Variants in CDHR2 observed in about 807,000 individuals in gnomAD.
The protein encoded by CDHR2 is cadherin-related family member 2.
CDHR2 carries 104 observed loss-of-function variants against 138.6 expected under a neutral mutation model. The ratio of observed to expected loss-of-function variants is 0.75; its 90% CI spans 0.64 to 0.88. The LOEUF is 0.88. CDHR2 is among the 40% of genes least tolerant of loss of function. CDHR2 has a pLI of 0.00. For missense variants in CDHR2, 1,624 were observed against 1,727.6 expected (o/e 0.94, Z 1.06); for synonymous variants, 755 against 742.8 (o/e 1.02, Z -0.27).
Position 176,590,473 on chromosome 5 carries a change from G to A in CDHR2, c.3402G>A (p.Gly1134=). The A allele has an allele frequency of 1.9e-6, 3 of 1,613,928 alleles. No individual in the cohort carries two copies. Among genetic ancestry groups the A allele is most frequent in the Non-Finnish European group, 2.5e-6 (3 of 1,179,866 alleles). The change falls in exon 27 of 32, where the codon GGG becomes GGA. Residue 1134 remains glycine (G), a synonymous_variant. Coordinates refer to ENST00000261944, the MANE Select transcript of CDHR2 (RefSeq NM_017675.6). ...QDSLTQLLQL[G]LVVLGSQESQ... is the part of the protein sequence containing the mutation. The stretch of plus-strand genomic sequence containing the variant: ...CGCTGACGCAGCTGCTGCAGCTGGG[G>A]CTGGTGGTGCTGGTGAGTGCGGGCA...
intron 16 of CDHR2, among the ~76,000 whole-genome samples, chr5:176,579,868 G>T (rs886989068): frequency 6.6e-6 from 1 of 152,124 alleles, no homozygotes; most frequent in Non-Finnish European, 1.5e-5. Flanking sequence ...TGCCCCCCAG[G>T]CGGCTCCCAG....
rs1581150378 is a variant in CDHR2, at chr5:176,589,530, C to T, written c.3120C>T (p.Leu1040=). 6.2e-7 allele frequency: 1 copy of T among 1,614,110 alleles called. No homozygotes were observed. The highest frequency in any genetic ancestry group is 1.1e-5 in the South Asian group (1 of 91,088). ...TCTCCTGCACACCCCCTTCCCAGCT[C>T]TTCACCGTGGACCAGAGTTACCGCT... ...PFLEATTTLN[L]FTVDQSYRSR... Residue 1040 remains leucine (L), a splice_region_variant and synonymous_variant, in exon 24 of 32, where the codon CTC becomes CTT. Transcript: ENST00000261944.
Position 176,575,353 on chromosome 5 carries a change from T to C in CDHR2, c.695T>C (p.Val232Ala). 6.2e-7 allele frequency: 1 copy of C among 1,614,226 alleles called. No homozygotes were observed. The highest frequency in any genetic ancestry group is 8.5e-7 in the Non-Finnish European group (1 of 1,180,040). Residue 232 changes from valine (V) to alanine (A), a missense_variant, in exon 9 of 32, where the codon GTG becomes GCG. Coordinates refer to ENST00000261944, the MANE Select transcript of CDHR2 (RefSeq NM_017675.6). ...SLPVFLSISV[V>A]DQPDLDPQFV... ...CCTGTCTTCCTGTCCATCTCCGTGG[T>C]GGACCAGCCTGACCTTGACCCCCAG...
rs1758224764 is a variant in CDHR2 at position 176,571,319 on chromosome 5, T to C, written c.405+17T>C. ...ATCAACGAGGTGACACCTGCCTTAA[T>C]GTGGTTGTGGGGCAGGGGGCATCCC... is the stretch of plus-strand genomic sequence containing the variant. On this transcript the variant is annotated intron_variant, in intron 6 of 31. Transcript: ENST00000261944. The C allele has an allele frequency of 6.3e-7, 1 of 1,584,632 alleles. No homozygotes were observed.
rs1335293629 is a variant in CDHR2 at position 176,586,026 on chromosome 5, G to C, written c.2806+1G>C. 1 of 1,613,318 alleles carries C rather than the reference G, an allele frequency of 6.2e-7. No individual in the cohort carries two copies. The highest frequency in any genetic ancestry group is 2.2e-5 in the East Asian group (1 of 44,878). On this transcript the variant is annotated splice_donor_variant, in intron 20 of 31. Coordinates refer to ENST00000261944, the MANE Select transcript of CDHR2 (RefSeq NM_017675.6). LOFTEE classifies it high-confidence loss of function. ...TTTCTGCCTGAGAATAAGACTTTTG[G>C]TAAGCAGCAACCCCATTCACACACC...
At chr5:176,594,951 T>G (rs1758985445) in intron 31 of CDHR2, among the ~76,000 whole-genome samples, 1 of 152,122 alleles carries the variant, frequency 6.6e-6, no homozygotes, top group Non-Finnish European at 1.5e-5. Flanking sequence ...GACCAGCCTG[T>G]GGGCAGCGTC....
chr5:176,588,272 ATGTGTGTGACAG>A (rs1179178018), intron 21 of CDHR2, among the ~76,000 whole-genome samples: 2 of 131,466 alleles, frequency 1.5e-5, no homozygotes, highest in Non-Finnish European at 3.6e-5. Context: ...GTGTATGTGA[ATGTGTGTGACAG>A]TGTGTGGGTA....
Position 176,568,856 on chromosome 5 carries a change from G to T in CDHR2, c.264+39G>T, listed in dbSNP as rs76514370. On this transcript the variant is annotated intron_variant, in intron 4 of 31. Coordinates refer to ENST00000261944, the MANE Select transcript of CDHR2 (RefSeq NM_017675.6). The stretch of plus-strand genomic sequence containing the variant: ...GCCGGAGAGGGCACGGGACGCGGAG[G>T]GGGTGCTGGGAGGGCCCTGGGAGCC... 1.1e-5 allele frequency: 18 copies of T among 1,612,416 alleles called. No homozygotes were observed. In the South Asian group the frequency reaches 1.4e-4, roughly 13 times the overall value.
intron 3 of CDHR2, among the ~76,000 whole-genome samples, chr5:176,567,278 C>T (rs900585289): frequency 2.0e-5 from 3 of 151,750 alleles, no homozygotes; most frequent in African/African-American, 7.3e-5. Context: ...ACTGATCCTC[C>T]CACCTCAGCC....
At chr5:176,550,286 G>C (rs1050620145) in intron 1 of CDHR2, among the ~76,000 whole-genome samples, 3 of 152,258 alleles carry the variant, frequency 2.0e-5, no homozygotes, top group African/African-American at 7.2e-5. Context: ...CAACAAATAT[G>C]TGAAATGCTG....
chr5:176,581,747 C>T (rs778246642), intron 17 of CDHR2, among the ~76,000 whole-genome samples, 165 bp downstream of exon 17: 1 of 152,204 alleles, frequency 6.6e-6, no homozygotes, highest in Non-Finnish European at 1.5e-5. Flanking sequence ...GGCACTCAGG[C>T]TCCTCATCTA....
rs535703611 is a variant in CDHR2, at chr5:176,553,971, G to A, written c.-16+4557G>A. 1.4e-4 allele frequency among the ~76,000 whole-genome samples: 21 copies of A among 152,316 alleles called. 1 individual carries two copies. In the South Asian group the frequency reaches 2.7e-3, roughly 20 times the overall value. ...TAGCTGTACCCACATCGCTGTCCCT[G>A]TCTCACTGAGGACTGTGGCTCAGCA... On this transcript the variant is annotated intron_variant, in intron 1 of 31. Coordinates refer to ENST00000261944, the MANE Select transcript of CDHR2 (RefSeq NM_017675.6). The surrounding 1 kb of genome is among the most constrained non-coding windows in gnomAD (Gnocchi z 4.3).
chr5:176,591,303 T>C lies in CDHR2; in HGVS notation c.3633T>C (p.Thr1211=), dbSNP rs769825373. 1.2e-6 allele frequency: 2 copies of C among 1,613,918 alleles called. No homozygotes were observed. Among genetic ancestry groups the C allele is most frequent in the South Asian group, 2.2e-5 (2 of 91,086 alleles). The change falls in exon 29 of 32, where the codon ACT becomes ACC. Residue 1211 remains threonine (T), a synonymous_variant. Transcript: ENST00000261944. ...CCTCAGCCCCTGCCATCCCAGGGAC[T>C]AACATGTACAACACTGAGCGGTGAG... ...VMPSAPAIPG[T]NMYNTERANP... is the part of the protein sequence containing the mutation.
upstream of CDHR2, chr5:176,547,434 G>C (rs1415078460): frequency 1.3e-5 from 2 of 152,122 alleles, no homozygotes; most frequent in Non-Finnish European, 2.9e-5. Context: ...TATTTTTTGA[G>C]AGAGAAGCTC....
At chr5:176,548,255 A>G (rs1337928668), upstream of CDHR2, among the ~76,000 whole-genome samples, 1 of 152,268 alleles carries the variant, frequency 6.6e-6, no homozygotes, top group African/African-American at 2.4e-5. Context: ...CTATATATCT[A>G]TTGTGAATTA....
At chr5:176,592,559 CTGATGGTAGTGA>C (rs1359817133) in intron 30 of CDHR2, among the ~76,000 whole-genome samples, 152 bp from the exon 31 acceptor site, 1 of 139,606 alleles carries the variant, frequency 7.2e-6, no homozygotes, top group Non-Finnish European at 1.5e-5. Flanking sequence ...GGTGATGGTG[CTGATGGTAGTGA>C]TGATGGTAGT....
chr5:176,569,815 C>T (rs1251322085), intron 5 of CDHR2, among the ~76,000 whole-genome samples: 2 of 152,062 alleles, frequency 1.3e-5, no homozygotes, highest in African/African-American at 4.8e-5. Context: ...CAAAAATTAG[C>T]TGGGCATGGT....
Position 176,589,362 on chromosome 5 carries a change from G to A in CDHR2, c.3041G>A (p.Gly1014Asp), listed in dbSNP as rs751259611. The change falls in exon 23 of 32, where the codon GGC becomes GAC. Residue 1014 changes from glycine to aspartate, a missense_variant. Gly to Asp is a moderately conservative substitution (Grantham distance 94). Around this residue, in one of 3 missense-constraint regions of CDHR2, gnomAD observed 556 missense variants for 565.7 expected, o/e 0.98. Coordinates refer to ENST00000261944, the MANE Select transcript of CDHR2 (RefSeq NM_017675.6). ...PVTSLDSTLQ[G>D]TYQVTVQARD... Reference sequence around the variant, plus strand: ...ACCAGCCTCGACTCCACTCTCCAAGGCACCTACCAAGTGACAGTCCAGGCC... The same window carrying A: ...ACCAGCCTCGACTCCACTCTCCAAGACACCTACCAAGTGACAGTCCAGGCC... 3 of 1,558,912 alleles carry A rather than the reference G, an allele frequency of 1.9e-6. No individual in the cohort carries two copies. The South Asian group carries it at 3.7e-5, about 19-fold the overall frequency.
chr5:176,563,664 T>C (rs1758020602), intron 1 of CDHR2, among the ~76,000 whole-genome samples: 1 of 152,132 alleles, frequency 6.6e-6, no homozygotes, highest in South Asian at 2.1e-4. Context: ...GGTCGGTTAT[T>C]GTGTGTCGCC....
Sources: allele counts gnomAD v4.1 joint callset (sites outside exome capture counted in the v4.1 genomes callset), GRCh38; gene constraint gnomAD v4.1.1; regional missense constraint gnomAD v4.1.1; non-coding constraint Gnocchi (gnomAD v3.1); transcripts MANE v1.5; gene names NCBI Gene and HGNC (gene_info 2026-07-23, HGNC 2026-07-21).